INPP5J: variants seen among roughly 807,000 people sequenced by gnomAD.
INPP5J encodes the protein phosphatidylinositol 4,5-bisphosphate 5-phosphatase A.
INPP5J carries 75 observed loss-of-function variants against 86.6 expected under a neutral mutation model. The observed-to-expected ratio is 0.87, with a 90% CI of 0.72 to 1.05. The LOEUF (loss-of-function observed/expected upper bound fraction) is 1.05, where lower values mean the gene tolerates loss of function less well. INPP5J is among the 50% of genes least tolerant of loss of function. INPP5J has a pLI of 0.00. For synonymous variants in INPP5J, 540 were observed against 550.0 expected (o/e 0.98, Z 0.25); for missense variants, 1,229 against 1,341.2 (o/e 0.92, Z 1.31).
Position 31,124,972 on chromosome 22 carries a change from C to T in INPP5J, c.233C>T (p.Ala78Val), listed in dbSNP as rs1921227069. 1.9e-6 allele frequency: 3 copies of T among 1,599,882 alleles called. No homozygotes were observed. Among genetic ancestry groups the T allele is most frequent in the Non-Finnish European group, 1.7e-6 (2 of 1,173,366 alleles). Residue 78 changes from alanine (A) to valine (V), a missense_variant, in exon 2 of 13, where the codon GCT (alanine) becomes GTT (valine). Coordinates refer to ENST00000331075, the MANE Select transcript of INPP5J (RefSeq NM_001284285.2). ...MSASSEGPRL[A>V]LASPRPILAP... ...GCTTCCTCGGAAGGACCGAGGCTGGCTCTGGCATCTCCCCGACCAATCCTG... is the reference window on the plus strand; with the variant it reads ...GCTTCCTCGGAAGGACCGAGGCTGGTTCTGGCATCTCCCCGACCAATCCTG...
rs2147889105 is a variant in INPP5J, at chr22:31,134,177, A to G, written c.2779A>G (p.Arg927Gly). 2 of 1,549,780 alleles carry G rather than the reference A, an allele frequency of 1.3e-6. No homozygotes were observed. Among genetic ancestry groups the G allele is most frequent in the South Asian group, 1.2e-5 (1 of 83,962 alleles). The change falls in exon 13 of 13, where the codon AGG becomes GGG. Residue 927 changes from arginine (R) to glycine (G), a missense_variant. Arg to Gly is a moderately radical substitution (Grantham distance 125). Coordinates refer to ENST00000331075, the MANE Select transcript of INPP5J (RefSeq NM_001284285.2). ...CCGCCTGTCCCGAGTGGCTCCTGAC[A>G]GGAGCAGTAATGGCAGCAGCCGGGG... Reference protein sequence around the residue: ...SRRLSRVAPDRSSNGSSRGSS... With the variant: ...SRRLSRVAPDGSSNGSSRGSS...
chr22:31,128,761 A>G, intron 9 of INPP5J, 107 bp downstream of exon 9: 1 of 968,664 alleles, frequency 1.0e-6, no homozygotes, highest in Non-Finnish European at 1.5e-6. Flanking sequence ...TGCCCTCAGC[A>G]GCATCCATTT....
chr22:31,134,413 G>T lies in INPP5J; in HGVS notation c.3015G>T (p.Gly1005=), dbSNP rs532057074. Residue 1005 remains glycine (G), a synonymous_variant, in exon 13 of 13, where the codon GGG becomes GGT. Coordinates refer to ENST00000331075, the MANE Select transcript of INPP5J (RefSeq NM_001284285.2). ...GGGGGCTGGAGGAAGGGGGCCTGGG[G>T]CCCTGAGGGTGGGGTAGGCAGATGG... ...GHRGLEEGGL[G]P 2.7e-6 allele frequency: 4 copies of T among 1,457,466 alleles called. No homozygotes were observed. In the African/African-American group the frequency reaches 5.7e-5, roughly 21 times the overall value. The allele number at this position is 1,457,466 out of a possible 1,614,324, so 90.3% of individuals were successfully genotyped here.
rs559563700 is a variant in INPP5J, at chr22:31,125,787, C to T, written c.1048C>T (p.Arg350Cys). 5.7e-6 allele frequency: 9 copies of T among 1,566,056 alleles called. No individual in the cohort carries two copies. The highest frequency in any genetic ancestry group is 1.7e-4 in the Middle Eastern group (1 of 6,012). The stretch of plus-strand genomic sequence containing the variant: ...GCCCAAGCCACCCCGATCACCCAGC[C>T]GTTCCCCAAGCCACTCCCCGAATCG... The part of the protein sequence containing the change: ...PLPKPPRSPS[R>C]SPSHSPNRSP... The change falls in exon 2 of 13, where the codon CGT becomes TGT. Residue 350 changes from arginine (R) to cysteine (C), a missense_variant. Arg to Cys is a radical substitution (Grantham distance 180). Transcript: ENST00000331075.
intron 1 of INPP5J, chr22:31,124,297 T>G: frequency 1.0e-6 from 1 of 987,436 alleles, no homozygotes; most frequent in Non-Finnish European, 1.2e-6. Context: ...ACCAAGGGAT[T>G]TGGATGTTTA....
chr22:31,126,233 A>C (rs1921406576), intron 2 of INPP5J, 143 bp from the exon 3 acceptor site: 1 of 804,206 alleles, frequency 1.2e-6, no homozygotes, highest in African/African-American at 1.7e-5. Flanking sequence ...GCAGAGGGAC[A>C]GGATTCGGGG....
Position 31,125,811 on chromosome 22 carries a change from C to T in INPP5J, c.1072C>T (p.Arg358Cys), listed in dbSNP as rs752788280. 1.3e-6 allele frequency: 2 copies of T among 1,595,930 alleles called. No individual in the cohort carries two copies. Among genetic ancestry groups the T allele is most frequent in the Non-Finnish European group, 1.7e-6 (2 of 1,171,572 alleles). ...CCGTTCCCCAAGCCACTCCCCGAAT[C>T]GCTCTCCCTGTGTTCCCCCAGCCCC... ...PSRSPSHSPN[R>C]SPCVPPAPDM... is the part of the protein sequence containing the mutation. Residue 358 changes from arginine to cysteine, a missense_variant, in exon 2 of 13, where the codon CGC becomes TGC. Physicochemically the swap from Arg to Cys is radical, Grantham distance 180 (BLOSUM62 -3). Coordinates refer to ENST00000331075, the MANE Select transcript of INPP5J (RefSeq NM_001284285.2).
rs576089657 is a variant in INPP5J at position 31,129,232 on chromosome 22, C to CT, written c.2193+599dup. ...GGCGTGAGCTACCGTGTCTGGCCAA[C>CT]TTTTTTTTTTTTTTTTTTTTTCTTT... On this transcript the variant is annotated intron_variant, in intron 9 of 12. Coordinates refer to ENST00000331075, the MANE Select transcript of INPP5J (RefSeq NM_001284285.2). 1.0e-3 allele frequency among the ~76,000 whole-genome samples: 81 copies of CT among 79,120 alleles called. 3 individuals carry two copies. Among genetic ancestry groups the CT allele is most frequent in the African/African-American group, 2.4e-3 (50 of 20,974 alleles). 51.9% of individuals were successfully genotyped at this position (79,120 alleles called of 152,430 possible).
In INPP5J at chr22:31,123,093, GTTGCC is replaced by G; in HGVS notation, c.80_84del (p.Val27AlafsTer65). 1 of 1,483,812 alleles carries G rather than the reference GTTGCC, an allele frequency of 6.7e-7. No individual in the cohort carries two copies. Among genetic ancestry groups the G allele is most frequent in the Non-Finnish European group, 8.9e-7 (1 of 1,120,996 alleles). 91.9% of individuals were successfully genotyped at this position (1,483,812 alleles called of 1,614,324 possible). On this transcript the variant is annotated frameshift_variant, in exon 1 of 13. Coordinates refer to ENST00000331075, the MANE Select transcript of INPP5J (RefSeq NM_001284285.2). LOFTEE classifies it high-confidence loss of function. ...GGGTTCCCTGCCCATGCCCCAGGGT[GTTGCC>G]CAAACTGGGGCACCCTCCAAGGTAA...
chr22:31,132,717 T>C (rs554275771), intron 9 of INPP5J, among the ~76,000 whole-genome samples: 22 of 147,440 alleles, frequency 1.5e-4, no homozygotes, highest in African/African-American at 5.3e-4. Context: ...CCAGCCTGGG[T>C]GACAGAGCGA....
intron 6 of INPP5J, 33 bp downstream of exon 6, chr22:31,127,565 G>C (rs368818700): frequency 5.0e-6 from 8 of 1,589,722 alleles, no homozygotes; most frequent in Non-Finnish European, 6.0e-6. Flanking sequence ...ATAGAGCTTG[G>C]GTGGGGCTAG....
chr22:31,128,545 C>T lies in INPP5J; in HGVS notation c.2084C>T (p.Pro695Leu). The change falls in exon 9 of 13, where the codon CCC (proline) becomes CTC (leucine). Residue 695 changes from proline to leucine, a missense_variant. By Grantham distance (98) the Pro-to-Leu change is moderately conservative. Transcript: ENST00000331075. The stretch of plus-strand genomic sequence containing the variant: ...AAGGCTCCAGGTGGGGGTCCCAGCC[C>T]CTCAGGACGGAAGAGCCACCGACTC... ...KVKAPGGGPS[P>L]SGRKSHRLQV... The T allele has an allele frequency of 6.2e-7, 1 of 1,613,436 alleles. No individual in the cohort carries two copies. Among genetic ancestry groups the T allele is most frequent in the Non-Finnish European group, 8.5e-7 (1 of 1,179,848 alleles).
At chr22:31,127,186 C>T in intron 5 of INPP5J, 149 bp downstream of exon 5, 2 of 780,022 alleles carry the variant, frequency 2.6e-6, no homozygotes, top group Non-Finnish European at 2.1e-6. Context: ...ATACCCCATC[C>T]TATTCCTCTA....
At position 31,133,918 on chromosome 22, in the gene INPP5J, G is replaced by A. The variant is rs200120763; in HGVS notation, c.2520G>A (p.Ser840=). 3.8e-4 allele frequency: 610 copies of A among 1,610,110 alleles called. 4 individuals carry two copies. The African/African-American group carries it at 4.7e-3, about 12-fold the overall frequency. Residue 840 remains serine (S), a synonymous_variant, in exon 13 of 13, where the codon TCG becomes TCA. Coordinates refer to ENST00000331075, the MANE Select transcript of INPP5J (RefSeq NM_001284285.2). ...GTGACCAGCATTTCCCCCAGATCTC[G>A]CTGCCTTCCTCGGAGTTGGCCAGCA... ...LIGITEPFQI[S]LPSSELASSS...
chr22:31,132,101 A>G (rs1922111530), intron 9 of INPP5J, among the ~76,000 whole-genome samples: 1 of 152,170 alleles, frequency 6.6e-6, no homozygotes, highest in African/African-American at 2.4e-5. Flanking sequence ...TCCTTCATGG[A>G]CTGATGACAA....
rs771842350 is a variant in INPP5J, at chr22:31,125,144, G to A, written c.405G>A (p.Pro135=). 20 of 1,550,190 alleles carry A rather than the reference G, an allele frequency of 1.3e-5. No individual in the cohort carries two copies. In the Middle Eastern group the frequency reaches 5.0e-4, roughly 39 times the overall value. The change falls in exon 2 of 13, where the codon CCG becomes CCA. Residue 135 remains proline (P), a synonymous_variant. Transcript: ENST00000331075. ...CGACCACAGGCTCAGTTCTGGCTCCGACGTCCCTGGGGCTGGTGATGCCTG... is the reference window on the plus strand; with the variant it reads ...CGACCACAGGCTCAGTTCTGGCTCCAACGTCCCTGGGGCTGGTGATGCCTG... The part of the protein sequence containing the change: ...PPATTGSVLA[P]TSLGLVMPAS...
chr22:31,128,481 C>T lies in INPP5J; in HGVS notation c.2020C>T (p.Arg674Trp), dbSNP rs762380312. The change falls in exon 9 of 13, where the codon CGG becomes TGG. Residue 674 changes from arginine (R) to tryptophan (W), a missense_variant. Transcript: ENST00000331075. ...TNKYDTSAKK[R>W]KPAWTDRILW... The stretch of plus-strand genomic sequence containing the variant: ...CCCTGCTCACTGCAGTGCCAAGAAA[C>T]GGAAGCCAGCTTGGACAGACCGTAT... 15 of 1,613,498 alleles carry T rather than the reference C, an allele frequency of 9.3e-6. No homozygotes were observed. The highest frequency in any genetic ancestry group is 1.7e-5 in the Admixed American group (1 of 60,016).
Position 31,125,753 on chromosome 22 carries a change from C to A in INPP5J, c.1014C>A (p.Pro338=), listed in dbSNP as rs912272237. 1.3e-6 allele frequency: 2 copies of A among 1,550,934 alleles called. No individual in the cohort carries two copies. The highest frequency in any genetic ancestry group is 1.7e-6 in the Non-Finnish European group (2 of 1,146,398). Residue 338 remains proline, a synonymous_variant, in exon 2 of 13, where the codon CCC becomes CCA. Coordinates refer to ENST00000331075, the MANE Select transcript of INPP5J (RefSeq NM_001284285.2). ...RPGAPSGQTV[P]PPLPKPPRSP... ...GGGCCCCCTCAGGCCAGACTGTGCC[C>A]CCACCTCTGCCCAAGCCACCCCGAT...
At position 31,128,523 on chromosome 22, in the gene INPP5J, G is replaced by C; in HGVS notation, c.2062G>C (p.Ala688Pro). Residue 688 changes from alanine to proline, a missense_variant, in exon 9 of 13, where the codon GCT becomes CCT. Coordinates refer to ENST00000331075, the MANE Select transcript of INPP5J (RefSeq NM_001284285.2). ...WTDRILWKVK[A>P]PGGGPSPSGR... ...AGACCGTATCCTATGGAAGGTCAAG[G>C]CTCCAGGTGGGGGTCCCAGCCCCTC... is the stretch of plus-strand genomic sequence containing the variant. 6.2e-7 allele frequency: 1 copy of C among 1,613,484 alleles called. No homozygotes were observed.
Sources: gnomAD v4.1 joint callset for allele counts (sites outside exome capture counted in the v4.1 genomes callset) on GRCh38, gnomAD v4.1.1 for gene constraint, MANE v1.5 for transcripts, NCBI Gene and HGNC (gene_info 2026-07-23, HGNC 2026-07-21) for gene names.